ITGA11: variants seen among roughly 807,000 people sequenced by gnomAD.
ITGA11 encodes the protein integrin alpha-11.
ITGA11 carries 97 observed loss-of-function variants against 141.9 expected under a neutral mutation model. The observed-to-expected ratio is 0.68, with a 90% CI of 0.58 to 0.81. The LOEUF (loss-of-function observed/expected upper bound fraction) is 0.81, where lower values mean the gene tolerates loss of function less well. Among genes scored for constraint, ITGA11 ranks in the 30% least tolerant of loss-of-function variants. ITGA11 has a pLI of 0.00. For missense variants in ITGA11, 1,387 were observed against 1,559.2 expected (o/e 0.89, Z 1.86); for synonymous variants, 658 against 624.6 (o/e 1.05, Z -0.80).
intron 2 of ITGA11, among the ~76,000 whole-genome samples, chr15:68,398,168 G>A (rs1361662125): frequency 2.0e-5 from 3 of 151,518 alleles, no homozygotes; most frequent in African/African-American, 7.3e-5. Flanking sequence ...AACTTTAAAT[G>A]TAAATGGACT....
At chr15:68,348,282 T>TG (rs142186535) in intron 10 of ITGA11, among the ~76,000 whole-genome samples, 237 of 151,726 alleles carry the variant, frequency 1.6e-3, no homozygotes, top group African/African-American at 4.5e-3. Context: ...ACCCACACAG[T>TG]GGGGGGGGCC....
chr15:68,427,012 CAAAAAAAAAAAAAAA>C, intron 1 of ITGA11, among the ~76,000 whole-genome samples: 1 of 47,828 alleles, frequency 2.1e-5, no homozygotes, highest in African/African-American at 9.5e-5. Flanking sequence ...AAGACTGTCT[CAAAAAAAAAAAAAAA>C]AAAAAAAAAA....
At chr15:68,431,963 G>A (rs920072345) in intron 1 of ITGA11, 52 bp downstream of exon 1, 1 of 1,214,124 alleles carries the variant, frequency 8.2e-7, no homozygotes, top group Non-Finnish European at 1.1e-6. Flanking sequence ...AAGCCCCGAG[G>A]GCCCAGGGAG....
At chr15:68,370,677 A>G (rs373730999) in intron 2 of ITGA11, among the ~76,000 whole-genome samples, 1 of 152,304 alleles carries the variant, frequency 6.6e-6, no homozygotes, top group Non-Finnish European at 1.5e-5. Flanking sequence ...ACAGCCCACA[A>G]GAGCCCCGAA....
chr15:68,429,257 C>T (rs967659356), intron 1 of ITGA11, among the ~76,000 whole-genome samples: 3 of 152,212 alleles, frequency 2.0e-5, no homozygotes, highest in African/African-American at 4.8e-5. Flanking sequence ...GAGCCCTAAC[C>T]GGCAGGGGCT....
intron 3 of ITGA11, 92 bp downstream of exon 3, chr15:68,369,092 C>A: frequency 2.3e-6 from 2 of 856,036 alleles, no homozygotes; most frequent in South Asian, 2.9e-5. Context: ...AGGAAGGAGT[C>A]AGTGTGACCA....
intron 1 of ITGA11, among the ~76,000 whole-genome samples, chr15:68,405,566 A>G (rs905456288): frequency 2.6e-5 from 4 of 152,212 alleles, no homozygotes; most frequent in Non-Finnish European, 5.9e-5. Context: ...ATCCCATGCC[A>G]TAAATGAACT....
In ITGA11 at chr15:68,297,284, G is replaced by A. The variant is rs1409105368; in HGVS notation, c.*5775C>T. The A allele has an allele frequency of 6.6e-6, 1 of 152,018 alleles. No individual in the cohort carries two copies. The highest frequency in any genetic ancestry group is 1.5e-5 in the Non-Finnish European group (1 of 68,002). The allele number at this position is 152,018 out of a possible 1,614,324, so 9.4% of individuals were successfully genotyped here. On this transcript the variant is annotated 3_prime_UTR_variant, in exon 30 of 30. Transcript: ENST00000315757. The stretch of plus-strand genomic sequence containing the variant: ...ATTTCTTCATTTGTCTTTTTTAAGT[G>A]GGGAGGTGGGAGTGGCTAACTTTTT...
Position 68,326,722 on chromosome 15 carries a change from A to C in ITGA11, c.2143T>G (p.Phe715Val). 1 of 1,584,000 alleles carries C rather than the reference A, an allele frequency of 6.3e-7. No individual in the cohort carries two copies. Among genetic ancestry groups the C allele is most frequent in the Non-Finnish European group, 8.6e-7 (1 of 1,165,132 alleles). The change falls in exon 17 of 30, where the codon TTC (phenylalanine) becomes GTC (valine). Residue 715 changes from phenylalanine (F) to valine (V), a missense_variant. By Grantham distance (50) the Phe-to-Val change is conservative (BLOSUM62 -1). Coordinates refer to ENST00000315757, the MANE Select transcript of ITGA11 (RefSeq NM_001004439.2). This position sits in a 1 kb window ranked among gnomAD's most constrained non-coding sequence, Gnocchi z 6.8. Reference sequence around the variant, plus strand: ...GAGAGCAGTACGGCTCTGTTGGTGAATCGGTCCCCGCCCTCGTCCAGGTGG... The same window carrying C: ...GAGAGCAGTACGGCTCTGTTGGTGACTCGGTCCCCGCCCTCGTCCAGGTGG... The part of the protein sequence containing the change: ...RAHLDEGGDR[F>V]TNRAVLLSSG...
At chr15:68,356,583 C>T (rs1052777173) in intron 7 of ITGA11, among the ~76,000 whole-genome samples, 1 of 152,186 alleles carries the variant, frequency 6.6e-6, no homozygotes, top group African/African-American at 2.4e-5. Context: ...TTGGCTGCAA[C>T]AATATTCCCC....
intron 2 of ITGA11, among the ~76,000 whole-genome samples, chr15:68,374,104 T>C (rs1343430142): frequency 1.3e-5 from 2 of 151,814 alleles, no homozygotes; most frequent in Non-Finnish European, 1.5e-5. Context: ...AAGAGAAACA[T>C]GGCAACCAAG....
intron 1 of ITGA11, among the ~76,000 whole-genome samples, chr15:68,428,787 C>T (rs867908926): frequency 2.0e-5 from 3 of 152,156 alleles, no homozygotes; most frequent in African/African-American, 7.2e-5. Context: ...ATGGTATGGG[C>T]CTTCTCCTTT....
chr15:68,399,610 C>T lies in ITGA11; in HGVS notation c.164+3308G>A, dbSNP rs140037216. Among the ~76,000 whole-genome samples, 34 of 152,178 alleles carry T rather than the reference C, an allele frequency of 2.2e-4. No individual in the cohort carries two copies. The South Asian group carries it at 3.5e-3, about 16-fold the overall frequency. On this transcript the variant is annotated intron_variant, in intron 2 of 29. Coordinates refer to ENST00000315757, the MANE Select transcript of ITGA11 (RefSeq NM_001004439.2). ...AAGAAACTGTGGTTCATATACACCA[C>T]GGAATACTACACAACCATGAAAAAG...
At chr15:68,420,138 T>G (rs1043995303) in intron 1 of ITGA11, among the ~76,000 whole-genome samples, 2 of 152,186 alleles carry the variant, frequency 1.3e-5, no homozygotes, top group African/African-American at 4.8e-5. Context: ...CAGCTCCTTC[T>G]TGGGTGCTAA....
chr15:68,419,861 C>T (rs775555482), intron 1 of ITGA11, among the ~76,000 whole-genome samples: 11 of 152,152 alleles, frequency 7.2e-5, no homozygotes, highest in East Asian at 1.9e-4. Flanking sequence ...CTTTATCATC[C>T]GGGTGATCTT....
chr15:68,374,865 A>G (rs1324594388), intron 2 of ITGA11, among the ~76,000 whole-genome samples: 1 of 152,148 alleles, frequency 6.6e-6, no homozygotes, highest in African/African-American at 2.4e-5. Flanking sequence ...TCCAATTATC[A>G]TTGGTTATCC....
intron 1 of ITGA11, among the ~76,000 whole-genome samples, chr15:68,412,181 C>T (rs1896785782): frequency 6.6e-6 from 1 of 152,126 alleles, no homozygotes; most frequent in African/African-American, 2.4e-5. Flanking sequence ...GATGGACCAT[C>T]AGGGAGGAGG....
intron 22 of ITGA11, among the ~76,000 whole-genome samples, chr15:68,314,659 C>T (rs946208182): frequency 2.6e-5 from 4 of 152,170 alleles, no homozygotes; most frequent in East Asian, 1.9e-4. Context: ...TCTGCAAGCG[C>T]GCTCATTTCT....
chr15:68,344,261 G>A (rs951768321), intron 10 of ITGA11, among the ~76,000 whole-genome samples: 2 of 152,138 alleles, frequency 1.3e-5, no homozygotes, highest in Non-Finnish European at 2.9e-5. Flanking sequence ...AGCCTGGCAG[G>A]TGAAGGAGTC....
Sources: allele counts gnomAD v4.1 joint callset (sites outside exome capture counted in the v4.1 genomes callset), GRCh38; gene constraint gnomAD v4.1.1; non-coding constraint Gnocchi (gnomAD v3.1); transcripts MANE v1.5; gene names NCBI Gene and HGNC (gene_info 2026-07-23, HGNC 2026-07-21).